GPC6: variants seen among roughly 807,000 people sequenced by gnomAD.
GPC6 encodes glypican 6.
In GPC6, 14 loss-of-function variants were observed where a neutral mutation model predicts 55.2. The observed-to-expected ratio is 0.25, with a 90% CI of 0.17 to 0.40. GPC6 has a LOEUF of 0.40. Among genes scored for constraint, GPC6 ranks in the 10% least tolerant of loss-of-function variants. The pLI, the probability that GPC6 is intolerant of heterozygous loss-of-function variation, is 1.00. For missense variants in GPC6, 641 were observed against 708.5 expected, an observed-to-expected ratio of 0.90 and a Z score of 1.08; for synonymous variants, 278 against 259.6, an observed-to-expected ratio of 1.07 and a Z score of -0.68.
At chr13:94,033,584 G>A (rs945334508) in intron 4 of GPC6, among the ~76,000 whole-genome samples, 5 of 152,198 alleles carry the variant, frequency 3.3e-5, no homozygotes, top group Non-Finnish European at 7.3e-5. Flanking sequence ...AAAATAGGCA[G>A]AAGGAACGAT....
chr13:93,822,286 C>T (rs946471041), intron 2 of GPC6, among the ~76,000 whole-genome samples: 1 of 152,096 alleles, frequency 6.6e-6, no homozygotes, highest in Non-Finnish European at 1.5e-5. Flanking sequence ...GTTCTATACA[C>T]TGTAGTGATA....
intron 1 of GPC6, among the ~76,000 whole-genome samples, chr13:93,393,470 T>C (rs947959664): frequency 2.0e-5 from 3 of 152,050 alleles, no homozygotes; most frequent in African/African-American, 7.2e-5. Context: ...TGTGACCCGT[T>C]TGAGAACATT....
intron 2 of GPC6, among the ~76,000 whole-genome samples, chr13:93,764,233 G>A (rs1594436959): frequency 6.6e-6 from 1 of 151,884 alleles, no homozygotes; most frequent in African/African-American, 2.4e-5. Flanking sequence ...GAGGAGAGGG[G>A]AATAAACAAA....
intron 3 of GPC6, among the ~76,000 whole-genome samples, chr13:93,946,655 A>G (rs548530795): frequency 6.6e-6 from 1 of 152,268 alleles, no homozygotes; most frequent in South Asian, 2.1e-4. Context: ...GTACAGGCCA[A>G]GGCCTCATCT....
intron 2 of GPC6, among the ~76,000 whole-genome samples, chr13:93,666,906 T>C (rs1288734053): frequency 6.6e-6 from 1 of 152,022 alleles, no homozygotes; most frequent in Non-Finnish European, 1.5e-5. Context: ...CTTAAATTAT[T>C]CATACTTATT....
intron 2 of GPC6, among the ~76,000 whole-genome samples, chr13:93,735,968 C>G (rs1266061591): frequency 3.9e-5 from 6 of 152,202 alleles, no homozygotes; most frequent in African/African-American, 1.4e-4. Context: ...TATAACTTCT[C>G]TACAAGACTA....
At position 93,650,608 on chromosome 13, in the gene GPC6, C is replaced by G. The variant is rs564054957; in HGVS notation, c.319+105187C>G. On this transcript the variant is annotated intron_variant, in intron 2 of 8. Coordinates refer to ENST00000377047, the MANE Select transcript of GPC6 (RefSeq NM_005708.5). ...TAACAGCCATAAACATAGCAAAATC[C>G]TGACCATAATAGGTAGTAGCAGAAG... Among the ~76,000 whole-genome samples the G allele has an allele frequency of 1.5e-4, 23 of 152,248 alleles. No individual in the cohort carries two copies. The South Asian group carries it at 3.1e-3, about 21-fold the overall frequency.
At chr13:94,119,675 G>T (rs866916347) in intron 4 of GPC6, among the ~76,000 whole-genome samples, 5 of 152,134 alleles carry the variant, frequency 3.3e-5, no homozygotes, top group Admixed American at 1.3e-4. Context: ...CCCTTGCAAG[G>T]ACACCAGTGT....
intron 1 of GPC6, among the ~76,000 whole-genome samples, chr13:93,256,109 G>A (rs1449811781): frequency 2.7e-5 from 4 of 147,928 alleles, no homozygotes; most frequent in Non-Finnish European, 5.9e-5. Flanking sequence ...GGCAGAGAGT[G>A]TAGTGAGCCG....
intron 1 of GPC6, among the ~76,000 whole-genome samples, chr13:93,410,843 A>C (rs1300698127): frequency 6.6e-6 from 1 of 152,100 alleles, no homozygotes; most frequent in Non-Finnish European, 1.5e-5. Context: ...CTGTCACTGG[A>C]GTCTTTCTTT....
At chr13:94,322,033 T>C (rs565791912) in intron 6 of GPC6, among the ~76,000 whole-genome samples, 5 of 152,316 alleles carry the variant, frequency 3.3e-5, no homozygotes, top group Admixed American at 3.3e-4. Context: ...TGATATGGTT[T>C]TGCTGTATCT....
intron 1 of GPC6, among the ~76,000 whole-genome samples, chr13:93,487,551 C>T (rs557742627): frequency 4.6e-5 from 7 of 151,978 alleles, no homozygotes; most frequent in Middle Eastern, 3.4e-3. Context: ...GGAGGAGGAA[C>T]GAGGGGGTAA....
rs529599460 is a variant in GPC6, at chr13:93,352,902, C to T, written c.160+125286C>T. On this transcript the variant is annotated intron_variant, in intron 1 of 8. Coordinates refer to ENST00000377047, the MANE Select transcript of GPC6 (RefSeq NM_005708.5). ...TAAAATCAAGAAGACAATTAGGAAG[C>T]GCTTGCAGGAGTCTCTAGCTCCTTG... Among the ~76,000 whole-genome samples, 60 of 152,150 alleles carry T rather than the reference C, an allele frequency of 3.9e-4. 1 individual carries two copies. In the South Asian group the frequency reaches 8.9e-3, roughly 23 times the overall value.
At chr13:94,138,669 T>C (rs1887266981) in intron 4 of GPC6, among the ~76,000 whole-genome samples, 1 of 152,208 alleles carries the variant, frequency 6.6e-6, no homozygotes, top group African/African-American at 2.4e-5. Flanking sequence ...TCTTACCATG[T>C]GAAATTTTAC....
At chr13:93,275,936 G>A (rs574643694) in intron 1 of GPC6, among the ~76,000 whole-genome samples, 15 of 152,272 alleles carry the variant, frequency 9.9e-5, no homozygotes, top group East Asian at 1.9e-4. Flanking sequence ...GTGCGGCGGC[G>A]CGATCTCGGC....
At chr13:93,710,237 A>G (rs1284947642) in intron 2 of GPC6, among the ~76,000 whole-genome samples, 1 of 151,840 alleles carries the variant, frequency 6.6e-6, no homozygotes, top group Non-Finnish European at 1.5e-5. Flanking sequence ...TCTTGAACAA[A>G]AGTAAATGCA....
At chr13:93,294,149 T>C (rs977488272) in intron 1 of GPC6, among the ~76,000 whole-genome samples, 3 of 152,194 alleles carry the variant, frequency 2.0e-5, no homozygotes, top group African/African-American at 7.2e-5. Flanking sequence ...GGATACCCTT[T>C]CTCCAAAGAT....
chr13:93,710,267 AC>A, intron 2 of GPC6, among the ~76,000 whole-genome samples: 1 of 151,834 alleles, frequency 6.6e-6, no homozygotes, highest in East Asian at 1.9e-4. Context: ...TTGTTAGTGA[AC>A]TCCACAGAGG....
chr13:94,219,053 T>C (rs1327142079), intron 4 of GPC6, among the ~76,000 whole-genome samples: 1 of 152,194 alleles, frequency 6.6e-6, no homozygotes, highest in Admixed American at 6.5e-5. Context: ...TATGCTAACA[T>C]GTGTCAGAAG....
Sources: allele counts gnomAD v4.1 joint callset (sites outside exome capture counted in the v4.1 genomes callset), GRCh38; gene constraint gnomAD v4.1.1; transcripts MANE v1.5; gene names NCBI Gene and HGNC (gene_info 2026-07-23, HGNC 2026-07-21).